The following ACTL6A variants were observed in gnomAD, a reference collection of about 807,000 sequenced individuals.
ACTL6A encodes the protein actin-like protein 6A.
A neutral mutation model predicts 59.2 loss-of-function variants in ACTL6A; 5 were observed. The ratio of observed to expected loss-of-function variants is 0.08; its 90% CI spans 0.04 to 0.18. ACTL6A has a LOEUF of 0.18. ACTL6A is among the 10% of genes least tolerant of loss of function. The pLI is 1.00. For synonymous variants in ACTL6A, 154 were observed against 171.8 expected (o/e 0.90, Z 0.81); for missense variants, 285 against 526.9 (o/e 0.54, Z 4.49).
chr3:179,578,798 C>T (rs1411347907), intron 8 of ACTL6A, among the ~76,000 whole-genome samples: 1 of 152,200 alleles, frequency 6.6e-6, no homozygotes, highest in Non-Finnish European at 1.5e-5. Context: ...CAGAGTCTTG[C>T]TTTGTCACCC....
intron 13 of ACTL6A, among the ~76,000 whole-genome samples, chr3:179,587,129 G>A (rs1027525655): frequency 8.5e-5 from 13 of 152,066 alleles, no homozygotes; most frequent in African/African-American, 1.4e-4. Context: ...TCTGCATCCT[G>A]GACTTAGAGC....
chr3:179,569,705 A>G (rs1441230003), intron 1 of ACTL6A, 119 bp from the exon 2 acceptor site: 4 of 832,458 alleles, frequency 4.8e-6, no homozygotes, highest in African/African-American at 1.7e-5. Context: ...AGTCCCAGCT[A>G]TTTGGAAGAC....
chr3:179,576,987 G>T, intron 8 of ACTL6A, 74 bp downstream of exon 8: 3 of 1,187,872 alleles, frequency 2.5e-6, no homozygotes, highest in Non-Finnish European at 1.2e-6. Flanking sequence ...TTATATATAG[G>T]CTGTAAATCC....
chr3:179,568,662 G>A (rs2108355195), intron 1 of ACTL6A, among the ~76,000 whole-genome samples: 1 of 151,882 alleles, frequency 6.6e-6, no homozygotes, highest in East Asian at 1.9e-4. Context: ...TAGATCTAAA[G>A]TGTTCATTTG....
intron 3 of ACTL6A, among the ~76,000 whole-genome samples, chr3:179,571,130 T>C (rs1717992975): frequency 1.3e-5 from 2 of 152,212 alleles, no homozygotes; most frequent in South Asian, 4.1e-4. Flanking sequence ...TTAAAAGGCA[T>C]GGTTGGCCAT....
At chr3:179,581,333 A>G (rs781238153) in intron 11 of ACTL6A, 113 bp downstream of exon 11, 4 of 889,234 alleles carry the variant, frequency 4.5e-6, no homozygotes, top group Non-Finnish European at 7.4e-6. Flanking sequence ...ATTGACTTTG[A>G]GGTTCATTTT....
At chr3:179,577,953 A>G (rs1718220051) in intron 8 of ACTL6A, among the ~76,000 whole-genome samples, 1 of 152,092 alleles carries the variant, frequency 6.6e-6, no homozygotes, top group African/African-American at 2.4e-5. Context: ...GTACATACAC[A>G]TACATGTGTC....
rs141661965 is a variant in ACTL6A, at chr3:179,566,075, A to G, written c.25+2958A>G. 1.2e-3 allele frequency among the ~76,000 whole-genome samples: 183 copies of G among 152,312 alleles called. 1 individual carries two copies. The highest frequency in any genetic ancestry group is 3.7e-3 in the African/African-American group (154 of 41,568). On this transcript the variant is annotated intron_variant, in intron 1 of 13. Transcript: ENST00000429709. The stretch of plus-strand genomic sequence containing the variant: ...TGGAGGTGTTCACAAAAACTCTCAG[A>G]TTTTTGCCAGTGTGGACTGGTGGTC...
intron 3 of ACTL6A, among the ~76,000 whole-genome samples, chr3:179,572,858 A>G (rs1401683010): frequency 6.6e-6 from 1 of 152,166 alleles, no homozygotes; most frequent in Non-Finnish European, 1.5e-5. Flanking sequence ...TTTTAATGGA[A>G]TGTTTAGGTG....
intron 1 of ACTL6A, 93 bp downstream of exon 1, chr3:179,563,210 TCCGGTCTCCCCCTCTCGGGACC>T (rs1160288724): frequency 1.3e-6 from 2 of 1,515,184 alleles, no homozygotes; most frequent in African/African-American, 2.8e-5. Context: ...GGCGTTCCCT[TCCGGTCTCCCCCTCTCGGGACC>T]CCGGCCTCCC....
At chr3:179,581,270 A>C in intron 11 of ACTL6A, 50 bp downstream of exon 11, 1 of 1,388,934 alleles carries the variant, frequency 7.2e-7, no homozygotes, top group South Asian at 1.2e-5. Flanking sequence ...TAGGGGACTG[A>C]AATGTCCCCA....
chr3:179,569,199 A>G (rs1378520740), intron 1 of ACTL6A, among the ~76,000 whole-genome samples: 1 of 152,158 alleles, frequency 6.6e-6, no homozygotes, highest in African/African-American at 2.4e-5. Context: ...CATCCCCTCT[A>G]CTAAAAGTCA....
intron 8 of ACTL6A, among the ~76,000 whole-genome samples, 177 bp downstream of exon 8, chr3:179,577,090 G>A (rs1302897090): frequency 6.6e-6 from 1 of 151,874 alleles, no homozygotes; most frequent in South Asian, 2.1e-4. Context: ...TGATCTCAGG[G>A]TCACACTCTA....
chr3:179,563,810 C>G (rs964782251), intron 1 of ACTL6A, among the ~76,000 whole-genome samples: 1 of 152,022 alleles, frequency 6.6e-6, no homozygotes, highest in African/African-American at 2.4e-5. Flanking sequence ...TGCTGGGGGT[C>G]CTAGGCGTGT....
intron 8 of ACTL6A, among the ~76,000 whole-genome samples, chr3:179,579,969 C>T (rs1403428632): frequency 6.6e-6 from 1 of 152,070 alleles, no homozygotes; most frequent in Non-Finnish European, 1.5e-5. Context: ...GACAGTGTCT[C>T]GCTATGTTGC....
intron 13 of ACTL6A, among the ~76,000 whole-genome samples, chr3:179,587,211 T>C (rs1170568672): frequency 1.3e-5 from 2 of 151,896 alleles, no homozygotes; most frequent in Admixed American, 6.6e-5. Context: ...TATATACATA[T>C]ATACTGTATA....
At position 179,569,093 on chromosome 3, in the gene ACTL6A, A is replaced by C. The variant is rs909308928; in HGVS notation, c.26-731A>C. 3.9e-5 allele frequency among the ~76,000 whole-genome samples: 6 copies of C among 152,338 alleles called. 1 individual carries two copies. The highest frequency in any genetic ancestry group is 1.9e-4 in the East Asian group (1 of 5,184). On this transcript the variant is annotated intron_variant, in intron 1 of 13. Coordinates refer to ENST00000429709, the MANE Select transcript of ACTL6A (RefSeq NM_004301.5). Reference sequence around the variant, plus strand: ...CATAGTGGTTGTCCCACTTTGGACAATAAATTATAGAATCACCCTAGTTGA... The same window carrying C: ...CATAGTGGTTGTCCCACTTTGGACACTAAATTATAGAATCACCCTAGTTGA...
intron 1 of ACTL6A, among the ~76,000 whole-genome samples, chr3:179,565,202 C>T (rs1409477170): frequency 2.0e-5 from 3 of 151,692 alleles, no homozygotes; most frequent in South Asian, 2.1e-4. Context: ...CTTGGGAGGC[C>T]GAGGCGGGCG....
chr3:179,579,368 CT>C (rs768623014), intron 8 of ACTL6A, among the ~76,000 whole-genome samples: 1 of 151,426 alleles, frequency 6.6e-6, no homozygotes, highest in Non-Finnish European at 1.5e-5. Flanking sequence ...GCAAAAGAAA[CT>C]AAGAGTAAAA....
Sources: gnomAD v4.1 joint callset for allele counts (sites outside exome capture counted in the v4.1 genomes callset) on GRCh38, gnomAD v4.1.1 for gene constraint, MANE v1.5 for transcripts, NCBI Gene and HGNC (gene_info 2026-07-23, HGNC 2026-07-21) for gene names.